Variants in CGN observed in about 807,000 individuals in gnomAD.
CGN encodes the protein cingulin.
In CGN, 121 loss-of-function variants were observed where a neutral mutation model predicts 157.1. That is an observed-to-expected ratio of 0.77 (90% CI 0.66 to 0.90). The LOEUF is 0.90. Ranked by LOEUF, CGN falls within the 40% of genes least tolerant of loss-of-function variation. CGN has a pLI of 0.00. For synonymous variants in CGN, 535 were observed against 607.5 expected (o/e 0.88, Z 1.76); for missense variants, 1,424 against 1,520.9 (o/e 0.94, Z 1.06).
In CGN at chr1:151,532,498, G is replaced by A. The variant is rs1208297685; in HGVS notation, c.2668G>A (p.Ala890Thr). ...KEKARREVAD[A>T]QRQAKDWASE... is the part of the protein sequence containing the mutation. ...AAAGGCCCGGCGGGAGGTGGCAGAT[G>A]CCCAGCGCCAGGCCAAGGATTGGGC... is the stretch of plus-strand genomic sequence containing the variant. Residue 890 changes from alanine (A) to threonine (T), a missense_variant, in exon 14 of 21, where the codon GCC (alanine) becomes ACC (threonine). Coordinates refer to ENST00000271636, the MANE Select transcript of CGN (RefSeq NM_020770.3). 1.9e-6 allele frequency: 3 copies of A among 1,610,052 alleles called. No individual in the cohort carries two copies. The African/African-American group carries it at 4.0e-5, about 22-fold the overall frequency.
In CGN at chr1:151,530,688, C is replaced by T; in HGVS notation, c.2513C>T (p.Ala838Val). 6.4e-7 allele frequency: 1 copy of T among 1,559,880 alleles called. No individual in the cohort carries two copies. The highest frequency in any genetic ancestry group is 8.7e-7 in the Non-Finnish European group (1 of 1,151,282). ...KQREVLRRGK[A>V]ELEEQKRLLD... ...CGGGAGGTGCTCCGGCGAGGCAAGG[C>T]TGAGCTGGAGGAGCAGAAGCGTTTG... Residue 838 changes from alanine to valine, a missense_variant, in exon 13 of 21, where the codon GCT becomes GTT. Physicochemically the swap from Ala to Val is moderately conservative, Grantham distance 64 (BLOSUM62 0). Coordinates refer to ENST00000271636, the MANE Select transcript of CGN (RefSeq NM_020770.3).
At position 151,529,332 on chromosome 1, in the gene CGN, A is replaced by G; in HGVS notation, c.1897-18A>G. 4 of 1,609,928 alleles carry G rather than the reference A, an allele frequency of 2.5e-6. No homozygotes were observed. Reference sequence around the variant, plus strand: ...GTCTGGCTCTGGGTGCCCCATCACCATTCCCGTTTCCTTCCAGGAGCTGCT... The same window carrying G: ...GTCTGGCTCTGGGTGCCCCATCACCGTTCCCGTTTCCTTCCAGGAGCTGCT... On this transcript the variant is annotated intron_variant, in intron 10 of 20. Coordinates refer to ENST00000271636, the MANE Select transcript of CGN (RefSeq NM_020770.3).
intron 14 of CGN, 46 bp from the exon 15 acceptor site, chr1:151,533,929 C>A: frequency 6.5e-7 from 1 of 1,548,270 alleles, no homozygotes; most frequent in Non-Finnish European, 8.7e-7. Context: ...CCTCAACCCT[C>A]ACCTTCTCAC....
chr1:151,524,752 G>C lies in CGN; in HGVS notation c.1480G>C (p.Glu494Gln), dbSNP rs199742515. Reference protein sequence around the residue: ...QRVEEQLRLRERELTALKGAL... With the variant: ...QRVEEQLRLRQRELTALKGAL... ...AGTAGAGGAGCAGCTGAGGCTGCGG[G>C]AGCGGGAGTTGACAGCCCTGAAGGG... The change falls in exon 8 of 21, where the codon GAG becomes CAG. Residue 494 changes from glutamate to glutamine, a missense_variant. Physicochemically the swap from Glu to Gln is conservative, Grantham distance 29 (BLOSUM62 2). This residue lies in a region of CGN where 1,187 missense variants were observed against 1,217.6 expected (regional missense o/e 0.97). Coordinates refer to ENST00000271636, the MANE Select transcript of CGN (RefSeq NM_020770.3). The surrounding 1 kb of genome is among the most constrained non-coding windows in gnomAD (Gnocchi z 4.4). The C allele has an allele frequency of 5.8e-5, 94 of 1,611,840 alleles. No individual in the cohort carries two copies. The highest frequency in any genetic ancestry group is 6.7e-5 in the Admixed American group (4 of 59,280).
rs371149064 is a variant in CGN at position 151,518,770 on chromosome 1, G to A, written c.251G>A (p.Gly84Glu). 24 of 1,613,972 alleles carry A rather than the reference G, an allele frequency of 1.5e-5. No homozygotes were observed. The highest frequency in any genetic ancestry group is 1.9e-5 in the Non-Finnish European group (23 of 1,179,990). The change falls in exon 2 of 21, where the codon GGG (glycine) becomes GAG (glutamate). Residue 84 changes from glycine to glutamate, a missense_variant. Transcript: ENST00000271636. The stretch of plus-strand genomic sequence containing the variant: ...GACTCCTTTGGGGTCCAAATCAAGG[G>A]GGCCAATGACCAAGGGGCCTCAGGA... Reference protein sequence around the residue: ...GGDSFGVQIKGANDQGASGAL... With the variant: ...GGDSFGVQIKEANDQGASGAL...
In CGN at chr1:151,518,771, G is replaced by A. The variant is rs556631043; in HGVS notation, c.252G>A (p.Gly84=). ...ACTCCTTTGGGGTCCAAATCAAGGG[G>A]GCCAATGACCAAGGGGCCTCAGGAG... The part of the protein sequence containing the change: ...GGDSFGVQIK[G]ANDQGASGAL... The change falls in exon 2 of 21, where the codon GGG becomes GGA. Residue 84 remains glycine (G), a synonymous_variant. Transcript: ENST00000271636. 2.0e-5 allele frequency: 32 copies of A among 1,614,090 alleles called. No homozygotes were observed. The highest frequency in any genetic ancestry group is 3.3e-5 in the Admixed American group (2 of 60,010).
At chr1:151,519,536 C>A in intron 2 of CGN, 144 bp downstream of exon 2, 1 of 703,922 alleles carries the variant, frequency 1.4e-6, no homozygotes, top group Non-Finnish European at 2.3e-6. Context: ...TGTATCTGTC[C>A]ACAAAATAGG....
chr1:151,524,642 C>A lies in CGN; in HGVS notation c.1402-32C>A. On this transcript the variant is annotated intron_variant, in intron 7 of 20. Transcript: ENST00000271636. The surrounding 1 kb of genome is among the most constrained non-coding windows in gnomAD (Gnocchi z 4.4). Reference sequence around the variant, plus strand: ...ATAAACAGATGGATTCTAATATGGTCACCCCTGTACTTCTTCCTTTATTTT... The same window carrying A: ...ATAAACAGATGGATTCTAATATGGTAACCCCTGTACTTCTTCCTTTATTTT... 1 of 1,541,330 alleles carries A rather than the reference C, an allele frequency of 6.5e-7. No individual in the cohort carries two copies. The highest frequency in any genetic ancestry group is 1.2e-5 in the South Asian group (1 of 85,870).
In CGN at chr1:151,525,624, A is replaced by G. The variant is rs1664655925; in HGVS notation, c.1615-18A>G. 3 of 1,548,028 alleles carry G rather than the reference A, an allele frequency of 1.9e-6. No homozygotes were observed. The highest frequency in any genetic ancestry group is 2.6e-6 in the Non-Finnish European group (3 of 1,150,798). On this transcript the variant is annotated intron_variant, in intron 8 of 20. Transcript: ENST00000271636. ...CTTCCCTCTGAGCCTTCTGGTGTCCAACTCTCCCCTTCTCTAGGACCATGC... is the reference window on the plus strand; with the variant it reads ...CTTCCCTCTGAGCCTTCTGGTGTCCGACTCTCCCCTTCTCTAGGACCATGC...
intron 1 of CGN, among the ~76,000 whole-genome samples, chr1:151,513,443 T>C (rs1165784422): frequency 6.6e-6 from 1 of 152,172 alleles, no homozygotes; most frequent in Non-Finnish European, 1.5e-5. Flanking sequence ...TCTCTAACTA[T>C]GAGAAAAAGG....
At chr1:151,520,533 G>A (rs531141806) in intron 4 of CGN, 50 bp downstream of exon 4, 2 of 1,611,010 alleles carry the variant, frequency 1.2e-6, no homozygotes, top group South Asian at 2.2e-5. Flanking sequence ...AGAGCTTTGA[G>A]GGCCTCAGGG....
chr1:151,534,596 C>T (rs1664914634), intron 15 of CGN: 1 of 239,694 alleles, frequency 4.2e-6, no homozygotes, highest in African/African-American at 2.4e-5. Context: ...ATGAACTTGT[C>T]CATGGTCTAC....
At chr1:151,535,573 T>A (rs1263550133) in intron 16 of CGN, 27 bp from the exon 17 acceptor site, 1 of 1,587,858 alleles carries the variant, frequency 6.3e-7, no homozygotes, top group East Asian at 2.2e-5. Flanking sequence ...CCTCCCCAAG[T>A]CTGGTCCTCT....
At chr1:151,520,089 C>A in intron 2 of CGN, 77 bp from the exon 3 acceptor site, 1 of 1,107,226 alleles carries the variant, frequency 9.0e-7, no homozygotes. Context: ...CCATCTGAAC[C>A]CCACGCATGC....
intron 15 of CGN, chr1:151,534,413 C>G (rs1248982586): frequency 1.8e-5 from 8 of 443,480 alleles, no homozygotes; most frequent in Non-Finnish European, 3.2e-5. Flanking sequence ...GTGGGTTTCC[C>G]CTTTAGAGTG....
chr1:151,537,145 G>A (rs1664985813), intron 20 of CGN, 60 bp from the exon 21 acceptor site: 30 of 1,547,164 alleles, frequency 1.9e-5, no homozygotes, highest in Non-Finnish European at 2.5e-5. Flanking sequence ...TACAAAAAGG[G>A]TGGCTGTCTT....
intron 1 of CGN, among the ~76,000 whole-genome samples, chr1:151,515,278 C>T (rs1485541869): frequency 6.6e-6 from 1 of 152,214 alleles, no homozygotes; most frequent in African/African-American, 2.4e-5. Flanking sequence ...GTTGGGATTA[C>T]AGGCATGAGC....
At chr1:151,519,542 A>G in intron 2 of CGN, 150 bp downstream of exon 2, 1 of 683,170 alleles carries the variant, frequency 1.5e-6, no homozygotes, top group Non-Finnish European at 2.4e-6. Context: ...TGTCCACAAA[A>G]TAGGTGATAT....
intron 12 of CGN, 36 bp from the exon 13 acceptor site, chr1:151,530,453 C>G: frequency 6.6e-7 from 1 of 1,515,638 alleles, no homozygotes; most frequent in South Asian, 1.3e-5. Flanking sequence ...CAAGTTTTAC[C>G]TTTTCTCAGT....
Sources: allele counts gnomAD v4.1 joint callset (sites outside exome capture counted in the v4.1 genomes callset), GRCh38; gene constraint gnomAD v4.1.1; regional missense constraint gnomAD v4.1.1; non-coding constraint Gnocchi (gnomAD v3.1); transcripts MANE v1.5; gene names NCBI Gene and HGNC (gene_info 2026-07-23, HGNC 2026-07-21).